Variants in RANBP2 observed in about 807,000 individuals in gnomAD.
RANBP2 encodes E3 SUMO-protein ligase RanBP2.
Under a neutral mutation model 303.6 loss-of-function variants are expected in RANBP2, and 57 were observed. The ratio of observed to expected loss-of-function variants is 0.19; its 90% CI spans 0.15 to 0.23. The LOEUF is 0.23. RANBP2 is among the 10% of genes least tolerant of loss of function. The pLI, the probability that RANBP2 is intolerant of heterozygous loss-of-function variation, is 1.00. For synonymous variants in RANBP2, 1,167 were observed against 1,301.5 expected (o/e 0.90, Z 2.23); for missense variants, 3,138 against 3,780.8 (o/e 0.83, Z 4.46).
At chr2:109,280,061 TCC>T in the RANBP2 span, among the ~76,000 whole-genome samples, 1 of 152,124 alleles carries the variant, frequency 6.6e-6, no homozygotes, top group African/African-American at 2.4e-5. Flanking sequence ...CAGGCTCCCC[TCC>T]TATTTTTTTC....
At chr2:109,395,429 G>A in the RANBP2 span, among the ~76,000 whole-genome samples, 1 of 152,316 alleles carries the variant, frequency 6.6e-6, no homozygotes, top group Non-Finnish European at 1.5e-5. Context: ...GCAGCGGTTC[G>A]CCTGCCTGGC....
At chr2:109,030,627 T>C in the RANBP2 span, among the ~76,000 whole-genome samples, 29 of 152,356 alleles carry the variant, frequency 1.9e-4, 1 homozygote, top group Admixed American at 1.6e-3. Context: ...AGGCTCCTTC[T>C]AGAATTGTAC....
the RANBP2 span, among the ~76,000 whole-genome samples, chr2:108,928,978 G>A: frequency 2.3e-4 from 35 of 152,338 alleles, no homozygotes; most frequent in East Asian, 6.0e-3. Context: ...TGGCCACTTA[G>A]GAGACACAGA....
chr2:109,522,453 T>C, the RANBP2 span, among the ~76,000 whole-genome samples: 8,589 of 152,080 alleles, frequency 0.056, 836 homozygotes, highest in African/African-American at 0.2. Flanking sequence ...CCTGCCACCA[T>C]GCCCAGCTAA....
the RANBP2 span, among the ~76,000 whole-genome samples, chr2:109,426,269 C>A: frequency 6.6e-6 from 1 of 152,094 alleles, no homozygotes; most frequent in African/African-American, 2.4e-5. Context: ...TGGATCTGGG[C>A]AAAGTAAATT....
chr2:108,764,385 T>C lies in RANBP2; in HGVS notation c.3846T>C (p.Ala1282=). The C allele has an allele frequency of 1.2e-6, 2 of 1,614,032 alleles. No homozygotes were observed. Among genetic ancestry groups the C allele is most frequent in the Non-Finnish European group, 1.7e-6 (2 of 1,179,972 alleles). Residue 1282 remains alanine (A), a synonymous_variant, in exon 20 of 29, where the codon GCT becomes GCC. Transcript: ENST00000283195. ...AGTTGCCAAAACCAGAACAACTTGC[T>C]ATTAGGTTCAAAACTCCTGAGGAAG... is the stretch of plus-strand genomic sequence containing the variant. ...ADELPKPEQL[A]IRFKTPEEAA...
the RANBP2 span, among the ~76,000 whole-genome samples, chr2:109,360,694 G>A: frequency 6.6e-6 from 1 of 152,154 alleles, no homozygotes; most frequent in Admixed American, 6.5e-5. Flanking sequence ...CTATAATCAA[G>A]TATTAGTTCT....
chr2:109,197,758 TG>T, the RANBP2 span, among the ~76,000 whole-genome samples: 1 of 152,254 alleles, frequency 6.6e-6, no homozygotes, highest in East Asian at 1.9e-4. Context: ...TATCAGGCTC[TG>T]CACTGGCCCT....
chr2:109,212,230 G>C, the RANBP2 span, among the ~76,000 whole-genome samples: 1 of 152,128 alleles, frequency 6.6e-6, no homozygotes, highest in African/African-American at 2.4e-5. Flanking sequence ...TCCTCTTCTT[G>C]ACTCCTCACT....
At chr2:108,930,532 A>G in the RANBP2 span, among the ~76,000 whole-genome samples, 56 of 152,050 alleles carry the variant, frequency 3.7e-4, no homozygotes, top group African/African-American at 1.4e-3. Context: ...TCATCAACGC[A>G]CTTGCCAAGG....
the RANBP2 span, among the ~76,000 whole-genome samples, chr2:108,938,488 A>G: frequency 6.6e-6 from 1 of 152,222 alleles, no homozygotes; most frequent in African/African-American, 2.4e-5. Context: ...AGGATTGCTC[A>G]CGAAAATAAC....
chr2:109,136,234 AAC>A, the RANBP2 span, among the ~76,000 whole-genome samples: 10 of 152,288 alleles, frequency 6.6e-5, 1 homozygote, highest in Admixed American at 3.3e-4. Context: ...ATTAAAAAAA[AAC>A]ACACACATCA....
the RANBP2 span, among the ~76,000 whole-genome samples, chr2:109,044,808 T>C: frequency 1.3e-5 from 2 of 152,170 alleles, no homozygotes; most frequent in Non-Finnish European, 2.9e-5. Flanking sequence ...TTTAGTGCAG[T>C]GAAGGCACAT....
At chr2:108,768,433 T>G in intron 20 of RANBP2, 45 bp downstream of exon 20, 1 of 1,607,254 alleles carries the variant, frequency 6.2e-7, no homozygotes, top group South Asian at 1.1e-5. Context: ...TTCTTTCTTT[T>G]AATGTTTAGC....
At chr2:109,698,461 A>G in the RANBP2 span, among the ~76,000 whole-genome samples, 3 of 135,930 alleles carry the variant, frequency 2.2e-5, no homozygotes, top group Non-Finnish European at 5.1e-5. Flanking sequence ...GTGAGACCCC[A>G]TTTCAGAAAA....
the RANBP2 span, among the ~76,000 whole-genome samples, chr2:109,117,480 C>T: frequency 1.7e-4 from 26 of 152,318 alleles, no homozygotes; most frequent in South Asian, 4.1e-4. Flanking sequence ...TTTTTAAGCC[C>T]GTCGGAAAAG....
the RANBP2 span, among the ~76,000 whole-genome samples, chr2:109,716,485 C>CAA: frequency 2.6e-5 from 4 of 151,984 alleles, no homozygotes. Context: ...CTCCTGACCT[C>CAA]GTGATCCACC....
chr2:109,393,510 C>G, the RANBP2 span, among the ~76,000 whole-genome samples: 41 of 152,288 alleles, frequency 2.7e-4, no homozygotes, highest in South Asian at 7.9e-3. Context: ...GGTCTTTGAG[C>G]AGAGCCCAGG....
the RANBP2 span, among the ~76,000 whole-genome samples, chr2:109,224,500 C>T: frequency 9.2e-5 from 14 of 152,142 alleles, no homozygotes; most frequent in East Asian, 1.9e-4. Flanking sequence ...AGTACAGTAG[C>T]GACCAGCCAC....
Sources: gnomAD v4.1 joint callset for allele counts (sites outside exome capture counted in the v4.1 genomes callset) on GRCh38, gnomAD v4.1.1 for gene constraint, MANE v1.5 for transcripts, NCBI Gene and HGNC (gene_info 2026-07-23, HGNC 2026-07-21) for gene names.